Variants in RANBP2 observed in about 807,000 individuals in gnomAD.
The protein encoded by RANBP2 is RAN binding protein 2, also known as E3 SUMO-protein ligase RanBP2.
A neutral mutation model predicts 303.6 loss-of-function variants in RANBP2; 57 were observed. That is an observed-to-expected ratio of 0.19 (90% CI 0.15 to 0.23). The LOEUF (loss-of-function observed/expected upper bound fraction) is 0.23. Among genes scored for constraint, RANBP2 ranks in the 10% least tolerant of loss-of-function variants. The probability of loss-of-function intolerance (pLI) is 1.00; values close to 1 mark genes in which losing one functional copy is unlikely to be tolerated. For synonymous variants in RANBP2, 1,167 were observed against 1,301.5 expected, an observed-to-expected ratio of 0.90 and a Z score of 2.23; for missense variants, 3,138 against 3,780.8, an observed-to-expected ratio of 0.83 and a Z score of 4.46.
the RANBP2 span, among the ~76,000 whole-genome samples, chr2:109,124,073 C>T: frequency 6.6e-6 from 1 of 151,954 alleles, no homozygotes; most frequent in East Asian, 1.9e-4. Flanking sequence ...TACGGTGGCA[C>T]AATCTCAACA....
At chr2:109,177,181 A>G in the RANBP2 span, among the ~76,000 whole-genome samples, 1 of 152,182 alleles carries the variant, frequency 6.6e-6, no homozygotes, top group African/African-American at 2.4e-5. Context: ...CCAGAGTCAG[A>G]ATAAGGGGGA....
At chr2:109,590,048 ATG>A in the RANBP2 span, among the ~76,000 whole-genome samples, 135 of 144,116 alleles carry the variant, frequency 9.4e-4, no homozygotes, top group African/African-American at 3.5e-3. Flanking sequence ...ACACATATAT[ATG>A]TGTGTGTATA....
the RANBP2 span, among the ~76,000 whole-genome samples, chr2:109,284,508 T>G: frequency 6.6e-6 from 1 of 152,186 alleles, no homozygotes; most frequent in Non-Finnish European, 1.5e-5. Context: ...TCGTCCAGCC[T>G]TGGAAGCCAC....
the RANBP2 span, among the ~76,000 whole-genome samples, chr2:109,203,127 G>A: frequency 6.6e-6 from 1 of 151,998 alleles, no homozygotes; most frequent in Admixed American, 6.5e-5. Flanking sequence ...GGGCCTGTCC[G>A]TGTCCTCAGC....
the RANBP2 span, among the ~76,000 whole-genome samples, chr2:109,436,664 C>T: frequency 2.0e-5 from 3 of 152,220 alleles, no homozygotes; most frequent in Admixed American, 6.5e-5. Flanking sequence ...TTTCTCAGGG[C>T]GGCTTTGCTA....
the RANBP2 span, among the ~76,000 whole-genome samples, chr2:108,810,279 T>G: frequency 6.6e-6 from 1 of 152,224 alleles, no homozygotes; most frequent in Non-Finnish European, 1.5e-5. Flanking sequence ...AATTGTGTGT[T>G]TGTTATATAT....
At chr2:109,644,605 G>C in the RANBP2 span, among the ~76,000 whole-genome samples, 2 of 152,118 alleles carry the variant, frequency 1.3e-5, no homozygotes, top group African/African-American at 4.8e-5. Context: ...AAAGAAAGTG[G>C]GCTTTTGTAG....
At chr2:109,562,379 C>A in the RANBP2 span, among the ~76,000 whole-genome samples, 4 of 152,004 alleles carry the variant, frequency 2.6e-5, no homozygotes, top group African/African-American at 9.7e-5. Flanking sequence ...TGCCCCCCTC[C>A]CCCAACTCTC....
At chr2:109,693,034 A>G in the RANBP2 span, among the ~76,000 whole-genome samples, 356 of 152,174 alleles carry the variant, frequency 2.3e-3, 2 homozygotes, top group African/African-American at 8.3e-3. Flanking sequence ...GCTTACCAGC[A>G]TTAACATCAA....
the RANBP2 span, among the ~76,000 whole-genome samples, chr2:109,644,307 A>G: frequency 5.9e-5 from 9 of 151,504 alleles, no homozygotes; most frequent in African/African-American, 2.2e-4. Context: ...ACTCGTCTCA[A>G]AAAAAAAATC....
chr2:108,728,468 T>C (rs1427531), intron 1 of RANBP2, among the ~76,000 whole-genome samples: 6 of 151,956 alleles, frequency 3.9e-5, no homozygotes, highest in South Asian at 2.1e-4. Context: ...TATTTTTTTC[T>C]CCCTGGAGAC....
At chr2:108,772,455 A>T (rs758463518) in intron 21 of RANBP2, 34 bp from the exon 22 acceptor site, 1 of 1,577,540 alleles carries the variant, frequency 6.3e-7, no homozygotes, top group Non-Finnish European at 8.7e-7. Context: ...CCCCAAAATT[A>T]ACTAGAAATT....
the RANBP2 span, among the ~76,000 whole-genome samples, chr2:109,086,269 TG>T: frequency 6.6e-6 from 1 of 151,944 alleles, no homozygotes; most frequent in Admixed American, 6.6e-5. Context: ...CTGAGGTTGT[TG>T]GGGGAGGGGG....
At chr2:109,565,662 C>T in the RANBP2 span, 1 of 1,025,744 alleles carries the variant, frequency 9.7e-7, no homozygotes, top group African/African-American at 1.6e-5. Flanking sequence ...CTCTGACAAC[C>T]AATCACATCC....
the RANBP2 span, among the ~76,000 whole-genome samples, chr2:109,538,929 TACC>T: frequency 3.9e-5 from 6 of 152,280 alleles, no homozygotes; most frequent in Admixed American, 6.5e-5. Flanking sequence ...TTTTAATGTC[TACC>T]ACATTTGCAG....
the RANBP2 span, among the ~76,000 whole-genome samples, chr2:109,029,024 A>G: frequency 1.3e-5 from 2 of 152,012 alleles, no homozygotes; most frequent in African/African-American, 2.4e-5. Flanking sequence ...GGCTCAAGCA[A>G]TCTTCCCACC....
chr2:108,808,810 T>C, the RANBP2 span, among the ~76,000 whole-genome samples: 8 of 152,164 alleles, frequency 5.3e-5, no homozygotes, highest in African/African-American at 1.9e-4. Context: ...GTATCATTAT[T>C]CTTTTTATTG....
At chr2:109,577,319 G>A in the RANBP2 span, among the ~76,000 whole-genome samples, 20,453 of 152,074 alleles carry the variant, frequency 0.13, 1,866 homozygotes, top group African/African-American at 0.26. Context: ...GAACTCGGCC[G>A]GGCATGGTGG....
the RANBP2 span, among the ~76,000 whole-genome samples, chr2:108,983,633 C>T: frequency 0.022 from 3,310 of 152,280 alleles, 113 homozygotes; most frequent in East Asian, 0.091. Context: ...AGGTATCCTC[C>T]TCCAGACTGA....
Sources: gnomAD v4.1 joint callset for allele counts (sites outside exome capture counted in the v4.1 genomes callset) on GRCh38, gnomAD v4.1.1 for gene constraint, MANE v1.5 for transcripts, NCBI Gene and HGNC (gene_info 2026-07-23, HGNC 2026-07-21) for gene names.